The following POLR3C variants were observed in gnomAD, a reference collection of about 807,000 sequenced individuals.
POLR3C encodes DNA-directed RNA polymerase III subunit RPC3.
In POLR3C, 44 loss-of-function variants were observed where a neutral mutation model predicts 65.9. That is an observed-to-expected ratio of 0.67 (90% CI 0.52 to 0.86). The LOEUF is 0.86. Ranked by LOEUF, POLR3C falls within the 40% of genes least tolerant of loss-of-function variation. POLR3C has a pLI of 0.00. For missense variants in POLR3C, 576 were observed against 653.2 expected (o/e 0.88, Z 1.29); for synonymous variants, 263 against 231.6 (o/e 1.14, Z -1.23).
rs145822476 is a variant in POLR3C at position 145,842,353 on chromosome 1, A to C, written c.1538A>C (p.Glu513Ala). 5.9e-5 allele frequency: 95 copies of C among 1,607,218 alleles called. No individual in the cohort carries two copies. Among genetic ancestry groups the C allele is most frequent in the Non-Finnish European group, 7.4e-5 (87 of 1,174,772 alleles). The change falls in exon 15 of 15, where the codon GAG becomes GCG. Residue 513 changes from glutamate to alanine, a missense_variant. Glu to Ala is a moderately radical substitution (Grantham distance 107). Transcript: ENST00000334163. ...TTTTCACTCAGGTTGGATGCCAGTG[A>C]GATCCAGGTGGACGAAACCATCTTC... is the stretch of plus-strand genomic sequence containing the variant. The part of the protein sequence containing the change: ...KRNVNKLDAS[E>A]IQVDETIFLL...
rs191632786 is a variant in POLR3C, at chr1:145,843,718, G to A, written c.*1298G>A. On this transcript the variant is annotated 3_prime_UTR_variant, in exon 15 of 15. Coordinates refer to ENST00000334163, the MANE Select transcript of POLR3C (RefSeq NM_006468.8). ...CCAGAAAGGGAAAAGGGTCAGGCAG[G>A]GAAGGGAACACAGAGAGTGACAATG... Among the ~76,000 whole-genome samples the A allele has an allele frequency of 6.6e-6, 1 of 152,274 alleles. No homozygotes were observed. The highest frequency in any genetic ancestry group is 6.5e-5 in the Admixed American group (1 of 15,292).
Position 145,841,050 on chromosome 1 carries a change from C to T in POLR3C, c.1502C>T (p.Thr501Ile). Reference sequence around the variant, plus strand: ...GCTCCTGAACGTCAGCAGCTAGAGACCCTGAAACGTAATGTCAACAAGTAA... The same window carrying T: ...GCTCCTGAACGTCAGCAGCTAGAGATCCTGAAACGTAATGTCAACAAGTAA... The part of the protein sequence containing the change: ...ITAPERQQLE[T>I]LKRNVNKLDA... The change falls in exon 14 of 15, where the codon ACC becomes ATC. Residue 501 changes from threonine to isoleucine, a missense_variant. Coordinates refer to ENST00000334163, the MANE Select transcript of POLR3C (RefSeq NM_006468.8). 1 of 1,613,798 alleles carries T rather than the reference C, an allele frequency of 6.2e-7. No individual in the cohort carries two copies. The highest frequency in any genetic ancestry group is 1.1e-5 in the South Asian group (1 of 91,070).
chr1:145,835,947 G>A lies in POLR3C; in HGVS notation c.877-547G>A, dbSNP rs185822777. On this transcript the variant is annotated intron_variant, in intron 7 of 14. Transcript: ENST00000334163. ...AAAACTTCCTTTCATGTTAGTTTCT[G>A]TAGATTTGTCTCACTCTTCATAATG... Among the ~76,000 whole-genome samples, 128 of 152,146 alleles carry A rather than the reference G, an allele frequency of 8.4e-4. 1 individual carries two copies. The highest frequency in any genetic ancestry group is 2.9e-3 in the African/African-American group (120 of 41,494).
intron 5 of POLR3C, among the ~76,000 whole-genome samples, chr1:145,829,586 T>C (rs1422874049): frequency 6.6e-6 from 1 of 152,224 alleles, no homozygotes; most frequent in African/African-American, 2.4e-5. Flanking sequence ...AGCTTTCCTT[T>C]ACTTTTAGAA....
In POLR3C at chr1:145,828,882, A is replaced by G. The variant is rs782047075; in HGVS notation, c.678+45A>G. 7 of 1,019,480 alleles carry G rather than the reference A, an allele frequency of 6.9e-6. No homozygotes were observed. The South Asian group carries it at 7.7e-5, about 11-fold the overall frequency. The allele number at this position is 1,019,480 out of a possible 1,614,324, so 63.2% of individuals were successfully genotyped here. ...AGAAGTCCTCACCCTGAAGCAGGCC[A>G]GAAAGAGCACTCAGATAACAAGCCC... On this transcript the variant is annotated intron_variant, in intron 5 of 14. Coordinates refer to ENST00000334163, the MANE Select transcript of POLR3C (RefSeq NM_006468.8).
At position 145,824,247 on chromosome 1, in the gene POLR3C, C is replaced by T. The variant is rs587769777; in HGVS notation, c.-143C>T. ...TTTCCGCGTCTTCTTCGGTGGCGAT[C>T]CGCGTCCTAGAAAGGGCGGTGGGCT... is the stretch of plus-strand genomic sequence containing the variant. On this transcript the variant is annotated 5_prime_UTR_variant, in exon 1 of 15. Coordinates refer to ENST00000334163, the MANE Select transcript of POLR3C (RefSeq NM_006468.8). 1 of 267,352 alleles carries T rather than the reference C, an allele frequency of 3.7e-6. No individual in the cohort carries two copies. The highest frequency in any genetic ancestry group is 1.3e-4 in the East Asian group (1 of 7,948). 16.6% of individuals were successfully genotyped at this position (267,352 alleles called of 1,614,324 possible). A position where few individuals can be genotyped will look rare whatever the true frequency, so the allele number is the denominator to read the frequency against.
intron 1 of POLR3C, 199 bp downstream of exon 1, chr1:145,824,568 G>A: frequency 7.8e-7 from 1 of 1,276,080 alleles, no homozygotes; most frequent in Non-Finnish European, 1.0e-6. Context: ...ATACTGAGGC[G>A]GGGTGGGGAC....
At chr1:145,830,872 C>T (rs1036768065) in intron 5 of POLR3C, among the ~76,000 whole-genome samples, 4 of 150,996 alleles carry the variant, frequency 2.6e-5, no homozygotes, top group Non-Finnish European at 4.4e-5. Context: ...GGGAGGCTGA[C>T]GTAGAAGAAT....
chr1:145,834,826 A>G (rs1651666612), intron 7 of POLR3C, among the ~76,000 whole-genome samples: 1 of 152,082 alleles, frequency 6.6e-6, no homozygotes, highest in Non-Finnish European at 1.5e-5. Context: ...AAATATTCCT[A>G]TATTTTTATA....
intron 7 of POLR3C, among the ~76,000 whole-genome samples, chr1:145,835,305 C>A (rs1212635239): frequency 2.0e-5 from 3 of 151,052 alleles, no homozygotes; most frequent in African/African-American, 7.3e-5. Context: ...ATTAGCCAGG[C>A]ATGGTGATGG....
At chr1:145,837,957 C>A in intron 10 of POLR3C, 99 bp from the exon 11 acceptor site, 1 of 1,079,194 alleles carries the variant, frequency 9.3e-7, no homozygotes, top group Non-Finnish European at 1.4e-6. Context: ...CTGTCTGGTA[C>A]TGGCTTCACA....
At chr1:145,838,916 G>A (rs1652074180) in intron 11 of POLR3C, among the ~76,000 whole-genome samples, 1 of 152,170 alleles carries the variant, frequency 6.6e-6, no homozygotes, top group Non-Finnish European at 1.5e-5. Context: ...GCCTTACCCA[G>A]TTACATTAAG....
chr1:145,826,501 T>C lies in POLR3C; in HGVS notation c.195T>C (p.Tyr65=), dbSNP rs201360795. The change falls in exon 3 of 15, where the codon TAT becomes TAC. Residue 65 remains tyrosine (Y), a synonymous_variant. Coordinates refer to ENST00000334163, the MANE Select transcript of POLR3C (RefSeq NM_006468.8). ...TCGTCCAACATAACCTGGTGAGTTATCAAGTGCACAAACGTGGTGTGGTGG... is the reference window on the plus strand; with the variant it reads ...TCGTCCAACATAACCTGGTGAGTTACCAAGTGCACAAACGTGGTGTGGTGG... ...CVLVQHNLVS[Y]QVHKRGVVEY... is the part of the protein sequence containing the mutation. The C allele has an allele frequency of 3.1e-5, 50 of 1,613,640 alleles. No homozygotes were observed. The highest frequency in any genetic ancestry group is 4.5e-5 in the East Asian group (2 of 44,900).
rs1650831013 is a variant in POLR3C, at chr1:145,827,164, TTAGTA to T, written c.589+163_589+167del. 5.3e-5 allele frequency among the ~76,000 whole-genome samples: 8 copies of T among 152,348 alleles called. No individual in the cohort carries two copies. In the South Asian group the frequency reaches 8.3e-4, roughly 16 times the overall value. ...AAATCATGGTCTCTGCCATGGGGCT[TTAGTA>T]TAGGAGACATACATTAATCGGAAAA... On this transcript the variant is annotated intron_variant, in intron 4 of 14. Transcript: ENST00000334163.
At position 145,829,627 on chromosome 1, in the gene POLR3C, C is replaced by T. The variant is rs185923098; in HGVS notation, c.678+790C>T. ...CCAAGGTACGGGCTAGGAAGCCTTA[C>T]GTGATCTAGGTCTTCGTATGATCTG... On this transcript the variant is annotated intron_variant, in intron 5 of 14. Coordinates refer to ENST00000334163, the MANE Select transcript of POLR3C (RefSeq NM_006468.8). Among the ~76,000 whole-genome samples, 137 of 152,322 alleles carry T rather than the reference C, an allele frequency of 9.0e-4. 1 individual carries two copies. The highest frequency in any genetic ancestry group is 3.1e-3 in the African/African-American group (129 of 41,578).
chr1:145,830,091 C>T (rs587605436), intron 5 of POLR3C, among the ~76,000 whole-genome samples: 1 of 152,190 alleles, frequency 6.6e-6, no homozygotes, highest in African/African-American at 2.4e-5. Context: ...CTAACTTGTT[C>T]TACTCCATGG....
At position 145,833,543 on chromosome 1, in the gene POLR3C, C is replaced by T; in HGVS notation, c.837C>T (p.Ser279=). The T allele has an allele frequency of 6.2e-7, 1 of 1,613,112 alleles. No individual in the cohort carries two copies. Among genetic ancestry groups the T allele is most frequent in the Non-Finnish European group, 8.5e-7 (1 of 1,179,012 alleles). ...TMLRMSEITT[S]SSAPFTQPLS... Reference sequence around the variant, plus strand: ...TCCGAATGAGTGAGATTACCACTTCCTCTAGTGCTCCCTTCACCCAGCCAT... The same window carrying T: ...TCCGAATGAGTGAGATTACCACTTCTTCTAGTGCTCCCTTCACCCAGCCAT... Residue 279 remains serine (S), a synonymous_variant, in exon 7 of 15, where the codon TCC becomes TCT. Transcript: ENST00000334163.
At chr1:145,827,031 G>A in intron 4 of POLR3C, 26 bp downstream of exon 4, 1 of 1,524,276 alleles carries the variant, frequency 6.6e-7, no homozygotes, top group Non-Finnish European at 9.0e-7. Flanking sequence ...CCCTGGAACT[G>A]TGACTTGCCT....
chr1:145,827,057 C>A, intron 4 of POLR3C, 52 bp downstream of exon 4: 1 of 1,314,488 alleles, frequency 7.6e-7, no homozygotes, highest in Non-Finnish European at 1.1e-6. Flanking sequence ...GTGGATTCTT[C>A]TTGATTGTCA....
Sources: allele counts gnomAD v4.1 joint callset (sites outside exome capture counted in the v4.1 genomes callset), GRCh38; gene constraint gnomAD v4.1.1; transcripts MANE v1.5; gene names NCBI Gene and HGNC (gene_info 2026-07-23, HGNC 2026-07-21).